The following TCTN3 variants were observed in gnomAD, a reference collection of about 807,000 sequenced individuals.
TCTN3 encodes the protein tectonic-3.
In TCTN3, 57 loss-of-function variants were observed where a neutral mutation model predicts 71.3. That is an observed-to-expected ratio of 0.80 (90% CI 0.65 to 1.00). The LOEUF (loss-of-function observed/expected upper bound fraction) is 1.00. Ranked by LOEUF, TCTN3 falls within the 50% of genes least tolerant of loss-of-function variation. The pLI is 0.00. For missense variants in TCTN3, 696 were observed against 719.9 expected, an observed-to-expected ratio of 0.97 and a Z score of 0.38; for synonymous variants, 258 against 267.8, an observed-to-expected ratio of 0.96 and a Z score of 0.36.
At chr10:95,677,908 C>A (rs950029985) in intron 13 of TCTN3, among the ~76,000 whole-genome samples, 1 of 152,162 alleles carries the variant, frequency 6.6e-6, no homozygotes, top group African/African-American at 2.4e-5. Flanking sequence ...CTGGGAAATT[C>A]TTGATTCTTA....
chr10:95,692,673 C>CA (rs996904188), intron 3 of TCTN3, among the ~76,000 whole-genome samples: 1 of 152,098 alleles, frequency 6.6e-6, no homozygotes, highest in African/African-American at 2.4e-5. Flanking sequence ...GTCCAACCTG[C>CA]AACCCACCGG....
intron 11 of TCTN3, 134 bp from the exon 12 acceptor site, chr10:95,682,938 C>A: frequency 5.3e-6 from 7 of 1,317,374 alleles, no homozygotes; most frequent in Non-Finnish European, 6.2e-6. Flanking sequence ...TAGGTATTAA[C>A]AATTGCCAGA....
At chr10:95,674,755 A>G (rs2097935169) in intron 13 of TCTN3, among the ~76,000 whole-genome samples, 1 of 152,168 alleles carries the variant, frequency 6.6e-6, no homozygotes, top group Admixed American at 6.5e-5. Context: ...TCTATTATGA[A>G]TGTTAGACTT....
rs552217102 is a variant in TCTN3 at position 95,665,223 on chromosome 10, C to T, written c.1591-923G>A. ...TCCTGGGCTCAAGTGATCCTCCTGC[C>T]TCAGCCTCCTGAGTAACTAAGACTA... On this transcript the variant is annotated intron_variant, in intron 13 of 13. Coordinates refer to ENST00000371217, the MANE Select transcript of TCTN3 (RefSeq NM_015631.6). 2.0e-5 allele frequency among the ~76,000 whole-genome samples: 3 copies of T among 152,278 alleles called. No individual in the cohort carries two copies. In the East Asian group the frequency reaches 5.8e-4, roughly 29 times the overall value.
chr10:95,678,206 C>T (rs1418594943), intron 13 of TCTN3, among the ~76,000 whole-genome samples: 6 of 152,242 alleles, frequency 3.9e-5, no homozygotes. Context: ...CACTAGCTTT[C>T]TTTGGATAAG....
rs1188993137 is a variant in TCTN3 at position 95,665,276 on chromosome 10, A to AT, written c.1591-977dup. On this transcript the variant is annotated intron_variant, in intron 13 of 13. Coordinates refer to ENST00000371217, the MANE Select transcript of TCTN3 (RefSeq NM_015631.6). Reference sequence around the variant, plus strand: ...CGAGTGCACAACCACACCTGGCTAAATTTTTTTTTTGTGTGTGTGTGAGAT... The same window carrying AT: ...CGAGTGCACAACCACACCTGGCTAAATTTTTTTTTTTGTGTGTGTGTGAGAT... Among the ~76,000 whole-genome samples, 55 of 150,224 alleles carry AT rather than the reference A, an allele frequency of 3.7e-4. 3 individuals are homozygous for AT. The highest frequency in any genetic ancestry group is 8.6e-4 in the Admixed American group (13 of 15,110).
intron 12 of TCTN3, among the ~76,000 whole-genome samples, chr10:95,680,845 C>T (rs1330994858): frequency 1.4e-5 from 2 of 144,850 alleles, no homozygotes; most frequent in Admixed American, 7.1e-5. Flanking sequence ...GGGGCACGAT[C>T]TCGGCTCACT....
chr10:95,682,588 C>G, intron 12 of TCTN3, 63 bp downstream of exon 12: 1 of 1,542,582 alleles, frequency 6.5e-7, no homozygotes, highest in Non-Finnish European at 8.7e-7. Context: ...TTTAAACTTA[C>G]TATCCAAGAT....
chr10:95,669,560 T>TCA, intron 13 of TCTN3, among the ~76,000 whole-genome samples: 1 of 152,302 alleles, frequency 6.6e-6, no homozygotes, highest in South Asian at 2.1e-4. Context: ...TTAGAACTGT[T>TCA]CACCTCAGGG....
chr10:95,681,253 T>A (rs2097942700), intron 12 of TCTN3, among the ~76,000 whole-genome samples: 1 of 152,100 alleles, frequency 6.6e-6, no homozygotes. Context: ...TTTTTGTATT[T>A]TTAGTAGAGA....
intron 11 of TCTN3, 21 bp downstream of exon 11, chr10:95,683,080 G>A (rs768865600): frequency 3.1e-6 from 5 of 1,596,296 alleles, no homozygotes; most frequent in Admixed American, 1.7e-5. Context: ...TGCAGGAAAT[G>A]ATGCGGAAGC....
chr10:95,683,062 C>T, intron 11 of TCTN3, 39 bp downstream of exon 11: 1 of 1,561,450 alleles, frequency 6.4e-7, no homozygotes, highest in Non-Finnish European at 8.8e-7. Context: ...CCTACATATT[C>T]CCGAAATTGC....
At chr10:95,678,240 T>G (rs1407161826) in intron 13 of TCTN3, among the ~76,000 whole-genome samples, 1 of 152,094 alleles carries the variant, frequency 6.6e-6, no homozygotes, top group African/African-American at 2.4e-5. Flanking sequence ...GAGAAAAAAA[T>G]TTCACAAGAG....
chr10:95,691,176 T>C (rs892516387), intron 3 of TCTN3, among the ~76,000 whole-genome samples: 7 of 152,180 alleles, frequency 4.6e-5, no homozygotes, highest in African/African-American at 1.7e-4. Flanking sequence ...AAGAGACAAC[T>C]TTCTTTTTTT....
intron 13 of TCTN3, among the ~76,000 whole-genome samples, chr10:95,669,294 A>G (rs2097928564): frequency 6.6e-6 from 1 of 152,242 alleles, no homozygotes; most frequent in African/African-American, 2.4e-5. Context: ...AGCAGATTTT[A>G]AATGTTCCCA....
chr10:95,692,625 AATAAAAGCCAATTCTC>A (rs1322101569), intron 3 of TCTN3, among the ~76,000 whole-genome samples: 2 of 152,228 alleles, frequency 1.3e-5, no homozygotes, highest in Non-Finnish European at 2.9e-5. Flanking sequence ...AAAAGGCCAG[AATAAAAGCCAATTCTC>A]AATAAATGTT....
intron 13 of TCTN3, among the ~76,000 whole-genome samples, chr10:95,676,714 T>C (rs1392297479): frequency 6.6e-6 from 1 of 152,202 alleles, no homozygotes; most frequent in African/African-American, 2.4e-5. Flanking sequence ...TTTTCTCTTT[T>C]CTGTTTTGCC....
chr10:95,692,757 C>T, intron 3 of TCTN3, 163 bp downstream of exon 3: 1 of 595,190 alleles, frequency 1.7e-6, no homozygotes, highest in Non-Finnish European at 3.0e-6. Flanking sequence ...AAACATTTGA[C>T]ATTTTTTTTG....
At chr10:95,680,757 G>C in intron 12 of TCTN3, 148 bp from the exon 13 acceptor site, 24 of 706,460 alleles carry the variant, frequency 3.4e-5, no homozygotes, top group Non-Finnish European at 4.5e-5. Flanking sequence ...TTCACAATAA[G>C]ACTATGTTAT....
Sources: gnomAD v4.1 joint callset for allele counts (sites outside exome capture counted in the v4.1 genomes callset) on GRCh38, gnomAD v4.1.1 for gene constraint, MANE v1.5 for transcripts, NCBI Gene and HGNC (gene_info 2026-07-23, HGNC 2026-07-21) for gene names.